The following SCN11A variants were observed in gnomAD, a reference collection of about 807,000 sequenced individuals.
The protein encoded by SCN11A is sodium channel protein type 11 subunit alpha.
In SCN11A, 122 loss-of-function variants were observed where a neutral mutation model predicts 162.2. That is an observed-to-expected ratio of 0.75 (90% CI 0.65 to 0.87). The LOEUF is 0.87. Among genes scored for constraint, SCN11A ranks in the 40% least tolerant of loss-of-function variants. The pLI is 0.00. For synonymous variants in SCN11A, 758 were observed against 751.5 expected, an observed-to-expected ratio of 1.01 and a Z score of -0.14; for missense variants, 2,015 against 2,181.6, an observed-to-expected ratio of 0.92 and a Z score of 1.52.
chr3:38,866,998 T>C (rs910028914), intron 27 of SCN11A, among the ~76,000 whole-genome samples: 1 of 152,246 alleles, frequency 6.6e-6, no homozygotes, highest in Non-Finnish European at 1.5e-5. Flanking sequence ...CCTAGTGTCA[T>C]ATTTAATAAA....
At chr3:38,866,349 G>A (rs1437083587) in intron 27 of SCN11A, among the ~76,000 whole-genome samples, 1 of 152,022 alleles carries the variant, frequency 6.6e-6, no homozygotes, top group Non-Finnish European at 1.5e-5. Flanking sequence ...CTCCCAAGTA[G>A]CTGGGATTAC....
In SCN11A at chr3:38,908,097, C is replaced by A. The variant is rs1283662357; in HGVS notation, c.1325G>T (p.Arg442Ile). 1.2e-6 allele frequency: 2 copies of A among 1,612,346 alleles called. No individual in the cohort carries two copies. Among genetic ancestry groups the A allele is most frequent in the African/African-American group, 2.7e-5 (2 of 74,766 alleles). ...KEALVAMGID[R>I]SSLTSLETSY... ...TGTTTCAAGGGAAGTAAGTGAACTTCTGTCAATTCCCATGGCAACCAGAGC... is the reference window on the plus strand; with the variant it reads ...TGTTTCAAGGGAAGTAAGTGAACTTATGTCAATTCCCATGGCAACCAGAGC... Residue 442 changes from arginine (R) to isoleucine (I), a missense_variant, in exon 14 of 30, where the codon AGA becomes ATA. Physicochemically the swap from Arg to Ile is moderately conservative, Grantham distance 97. Transcript: ENST00000302328.
At chr3:38,955,965 G>A (rs898326570) in intron 3 of SCN11A, among the ~76,000 whole-genome samples, 1 of 152,196 alleles carries the variant, frequency 6.6e-6, no homozygotes, top group Non-Finnish European at 1.5e-5. Flanking sequence ...CGGCACAAAA[G>A]CCCGGGTATG....
At chr3:39,025,367 A>C (rs1431497826) in intron 2 of SCN11A, among the ~76,000 whole-genome samples, 1 of 152,228 alleles carries the variant, frequency 6.6e-6, no homozygotes, top group Non-Finnish European at 1.5e-5. Context: ...AAGTTTATTA[A>C]GAAAGTAAAG....
rs768716840 is a variant in SCN11A at position 38,880,130 on chromosome 3, T to C, written c.3220-7A>G. ...GGTGAACATCTTCAAATATCTGAAATGAAAAAGCATAGCCATAGGCCAGGT... is the reference window on the plus strand; with the variant it reads ...GGTGAACATCTTCAAATATCTGAAACGAAAAAGCATAGCCATAGGCCAGGT... On this transcript the variant is annotated splice_region_variant and splice_polypyrimidine_tract_variant and intron_variant, in intron 22 of 29. Transcript: ENST00000302328. 7 of 1,600,886 alleles carry C rather than the reference T, an allele frequency of 4.4e-6. No homozygotes were observed. Among genetic ancestry groups the C allele is most frequent in the Non-Finnish European group, 2.6e-6 (3 of 1,173,186 alleles).
At chr3:39,047,348 C>A (rs1293339823) in intron 1 of SCN11A, among the ~76,000 whole-genome samples, 1 of 151,856 alleles carries the variant, frequency 6.6e-6, no homozygotes, top group Admixed American at 6.6e-5. Context: ...ACTAGACTCC[C>A]TACGTCTCAC....
At chr3:39,020,251 G>A (rs2031413322) in intron 2 of SCN11A, among the ~76,000 whole-genome samples, 1 of 152,178 alleles carries the variant, frequency 6.6e-6, no homozygotes, top group Non-Finnish European at 1.5e-5. Context: ...AGATTTCTTT[G>A]TGGTCAAATT....
At chr3:38,985,330 C>T (rs2030200616) in intron 2 of SCN11A, among the ~76,000 whole-genome samples, 1 of 150,220 alleles carries the variant, frequency 6.7e-6, no homozygotes, top group Non-Finnish European at 1.5e-5. Flanking sequence ...CGGGGTTTCA[C>T]CGTGTTAGCC....
intron 29 of SCN11A, chr3:38,849,515 T>C (rs545791211): frequency 2.0e-5 from 3 of 152,318 alleles, no homozygotes; most frequent in South Asian, 2.1e-4. Flanking sequence ...ATATATCTGT[T>C]TGATGCATTC....
chr3:38,865,336 T>G (rs1262619538), intron 27 of SCN11A, among the ~76,000 whole-genome samples: 3 of 152,180 alleles, frequency 2.0e-5, no homozygotes, highest in Non-Finnish European at 4.4e-5. Context: ...ACATCCAAAT[T>G]GCAGGTATTG....
In SCN11A at chr3:39,046,579, C is replaced by A. The variant is rs115015359; in HGVS notation, c.-404+5282G>T. ...CCAAAGCAATCCTGAGCAAAAAGAA[C>A]AAAATTGGAGGCATCACACTAACCT... On this transcript the variant is annotated intron_variant, in intron 1 of 29. Coordinates refer to ENST00000302328, the MANE Select transcript of SCN11A (RefSeq NM_001349253.2). 8.0e-3 allele frequency among the ~76,000 whole-genome samples: 1,215 copies of A among 152,122 alleles called. 20 individuals are homozygous for A. Among genetic ancestry groups the A allele is most frequent in the African/African-American group, 0.028 (1,168 of 41,500 alleles).
chr3:38,979,460 G>C (rs1486826968), intron 2 of SCN11A, among the ~76,000 whole-genome samples: 1 of 152,158 alleles, frequency 6.6e-6, no homozygotes, highest in Non-Finnish European at 1.5e-5. Flanking sequence ...TGAATCTTCT[G>C]AGTCCTCCAG....
At chr3:38,871,242 C>T (rs1023377285) in intron 25 of SCN11A, among the ~76,000 whole-genome samples, 5 of 152,094 alleles carry the variant, frequency 3.3e-5, no homozygotes, top group African/African-American at 9.7e-5. Flanking sequence ...AGGGGCATCA[C>T]TAGGAAGCTG....
intron 1 of SCN11A, among the ~76,000 whole-genome samples, chr3:39,043,296 C>T (rs34827122): frequency 6.6e-6 from 1 of 152,046 alleles, no homozygotes. Context: ...CCATACGATC[C>T]AGCAATCCCA....
intron 2 of SCN11A, among the ~76,000 whole-genome samples, chr3:38,983,986 G>A (rs2030147729): frequency 6.6e-6 from 1 of 152,122 alleles, no homozygotes; most frequent in Non-Finnish European, 1.5e-5. Context: ...AGGAGAACAG[G>A]GTAAAATGAA....
At chr3:39,038,073 T>C (rs2031952824) in intron 1 of SCN11A, among the ~76,000 whole-genome samples, 1 of 152,220 alleles carries the variant, frequency 6.6e-6, no homozygotes, top group Admixed American at 6.5e-5. Flanking sequence ...TTGTGAGAGC[T>C]GTGAAGGCGC....
At chr3:38,859,510 T>C (rs1483800932) in intron 28 of SCN11A, among the ~76,000 whole-genome samples, 2 of 151,316 alleles carry the variant, frequency 1.3e-5, no homozygotes, top group Non-Finnish European at 2.9e-5. Context: ...AGTAGCAAGA[T>C]TGAAACAGTA....
At chr3:38,874,136 A>G (rs1361437625) in intron 23 of SCN11A, among the ~76,000 whole-genome samples, 15 of 152,132 alleles carry the variant, frequency 9.9e-5, no homozygotes, top group Admixed American at 9.8e-4. Flanking sequence ...ATTTTTACTT[A>G]ATATAGTGCG....
At chr3:38,998,523 A>G (rs2030710961) in intron 2 of SCN11A, among the ~76,000 whole-genome samples, 1 of 152,220 alleles carries the variant, frequency 6.6e-6, no homozygotes, top group South Asian at 2.1e-4. Flanking sequence ...ATCTACAACT[A>G]GAAATACCAT....
Sources: allele counts gnomAD v4.1 joint callset (sites outside exome capture counted in the v4.1 genomes callset), GRCh38; gene constraint gnomAD v4.1.1; transcripts MANE v1.5; gene names NCBI Gene and HGNC (gene_info 2026-07-23, HGNC 2026-07-21).